SORCS2: variants seen among roughly 807,000 people sequenced by gnomAD.
The protein encoded by SORCS2 is sortilin related VPS10 domain containing receptor 2.
A neutral mutation model predicts 141.6 loss-of-function variants in SORCS2; 100 were observed. The observed-to-expected ratio is 0.71, with a 90% CI of 0.60 to 0.83. The LOEUF (loss-of-function observed/expected upper bound fraction) is 0.83, where lower values mean the gene tolerates loss of function less well. SORCS2 is among the 40% of genes least tolerant of loss of function. SORCS2 has a pLI of 0.00. For synonymous variants in SORCS2, 789 were observed against 676.9 expected (o/e 1.17, Z -2.57); for missense variants, 1,646 against 1,560.2 (o/e 1.05, Z -0.93).
intron 1 of SORCS2, among the ~76,000 whole-genome samples, chr4:7,268,586 C>G (rs1714903965): frequency 6.6e-6 from 1 of 152,200 alleles, no homozygotes; most frequent in Non-Finnish European, 1.5e-5. Flanking sequence ...GTGTGTCCTG[C>G]TGGGTATCAG....
rs189975691 is a variant in SORCS2, at chr4:7,740,413, A to C, written c.*149A>C. On this transcript the variant is annotated 3_prime_UTR_variant, in exon 27 of 27. Transcript: ENST00000507866. The stretch of plus-strand genomic sequence containing the variant: ...GCGACAGGCACCACCCCCTCTGATA[A>C]ATCCAAGCCCGCCCAGGCCCACGGG... 790 of 703,780 alleles carry C rather than the reference A, an allele frequency of 1.1e-3. 2 individuals carry two copies. The highest frequency in any genetic ancestry group is 1.6e-3 in the Non-Finnish European group (671 of 415,130). The allele number at this position is 703,780 out of a possible 1,614,324, so 43.6% of individuals were successfully genotyped here. A position where few individuals can be genotyped will look rare whatever the true frequency, so the allele number is the denominator to read the frequency against.
chr4:7,706,072 C>CTGGGCTCCGTCTGGGCAGGGATGAGGT (rs879671946), intron 14 of SORCS2, among the ~76,000 whole-genome samples: 6,177 of 133,884 alleles, frequency 0.046, 947 homozygotes, highest in East Asian at 0.22. Flanking sequence ...AGGGATGAGG[C>CTGGGCTCCGTCTGGGCAGGGATGAGGT]TGGGCTCTGC....
intron 4 of SORCS2, among the ~76,000 whole-genome samples, chr4:7,641,583 T>C (rs1175709954): frequency 1.3e-5 from 2 of 152,196 alleles, no homozygotes; most frequent in Non-Finnish European, 2.9e-5. Context: ...CTACACCCAA[T>C]ACATGCAATT....
intron 2 of SORCS2, among the ~76,000 whole-genome samples, chr4:7,510,518 T>C (rs1339255880): frequency 1.8e-5 from 2 of 110,082 alleles, no homozygotes; most frequent in East Asian, 6.5e-4. Flanking sequence ...CCATGGGCAG[T>C]GCAGCCAGGG....
chr4:7,464,112 T>C (rs1729471000), intron 2 of SORCS2, among the ~76,000 whole-genome samples: 1 of 152,194 alleles, frequency 6.6e-6, no homozygotes, highest in African/African-American at 2.4e-5. Flanking sequence ...CGCAGTGGAC[T>C]GAACACACCT....
At chr4:7,608,371 C>G (rs1718191746) in intron 3 of SORCS2, among the ~76,000 whole-genome samples, 1 of 152,240 alleles carries the variant, frequency 6.6e-6, no homozygotes, top group Admixed American at 6.5e-5. Context: ...CCACCTGAAG[C>G]TACCTTGCTC....
chr4:7,539,084 G>A (rs778525252), intron 3 of SORCS2, among the ~76,000 whole-genome samples: 2 of 152,130 alleles, frequency 1.3e-5, no homozygotes, highest in Non-Finnish European at 2.9e-5. Context: ...CCCCATAGCC[G>A]GTGGGCTGCT....
At chr4:7,318,656 A>G (rs780027136) in intron 1 of SORCS2, among the ~76,000 whole-genome samples, 2 of 152,196 alleles carry the variant, frequency 1.3e-5, no homozygotes, top group Non-Finnish European at 2.9e-5. Flanking sequence ...TACTGTCTCA[A>G]TCATCGCAGC....
intron 1 of SORCS2, among the ~76,000 whole-genome samples, chr4:7,288,006 G>A (rs1253713782): frequency 9.2e-5 from 14 of 152,334 alleles, no homozygotes; most frequent in Admixed American, 7.2e-4. Context: ...CGTTGCTGGC[G>A]TTGCTGTCCC....
At chr4:7,260,085 A>C (rs766314876) in intron 1 of SORCS2, among the ~76,000 whole-genome samples, 2 of 152,092 alleles carry the variant, frequency 1.3e-5, no homozygotes, top group Non-Finnish European at 2.9e-5. Context: ...AGAAAGGCAG[A>C]ATAGAGACAC....
chr4:7,269,662 G>A (rs563076153), intron 1 of SORCS2, among the ~76,000 whole-genome samples: 3 of 152,202 alleles, frequency 2.0e-5, no homozygotes, highest in Non-Finnish European at 4.4e-5. Flanking sequence ...GCTGGGAGCC[G>A]CCAGAAGCCA....
rs149983635 is a variant in SORCS2, at chr4:7,439,209, C to T, written c.548+42854C>T. Reference sequence around the variant, plus strand: ...GTATATATATATATACAAACACACACGTGTGTATATGTAACATATTCATCC... The same window carrying T: ...GTATATATATATATACAAACACACATGTGTGTATATGTAACATATTCATCC... On this transcript the variant is annotated intron_variant, in intron 2 of 26. Transcript: ENST00000507866. 8.0e-4 allele frequency among the ~76,000 whole-genome samples: 121 copies of T among 152,130 alleles called. 1 individual carries two copies. The highest frequency in any genetic ancestry group is 1.3e-3 in the Non-Finnish European group (89 of 67,998).
At chr4:7,393,759 G>A (rs1020157891) in intron 1 of SORCS2, among the ~76,000 whole-genome samples, 2 of 152,136 alleles carry the variant, frequency 1.3e-5, no homozygotes, top group African/African-American at 2.4e-5. Flanking sequence ...TCTGAATGAC[G>A]ACGGCTCCTA....
intron 1 of SORCS2, among the ~76,000 whole-genome samples, chr4:7,324,796 A>G (rs1317287521): frequency 1.3e-5 from 2 of 152,246 alleles, no homozygotes; most frequent in Non-Finnish European, 2.9e-5. Context: ...AAAAAGACAC[A>G]AAACCCATCA....
intron 2 of SORCS2, among the ~76,000 whole-genome samples, chr4:7,482,795 T>A (rs369018210): frequency 2.8e-5 from 4 of 142,122 alleles, no homozygotes; most frequent in Admixed American, 6.9e-5. Context: ...CCCTGGCTGC[T>A]GTTCAGACCT....
At chr4:7,280,028 C>T (rs1351223308) in intron 1 of SORCS2, among the ~76,000 whole-genome samples, 2 of 152,086 alleles carry the variant, frequency 1.3e-5, no homozygotes, top group Admixed American at 6.5e-5. Flanking sequence ...CAAATGGTGT[C>T]GGCTGCAGCT....
At chr4:7,426,060 G>A (rs1402056647) in intron 2 of SORCS2, among the ~76,000 whole-genome samples, 7 of 152,226 alleles carry the variant, frequency 4.6e-5, no homozygotes, top group Non-Finnish European at 8.8e-5. Context: ...GGCGTGGGCA[G>A]TGTTGTGGTT....
In SORCS2 at chr4:7,535,595, G is replaced by A. The variant is rs576601364; in HGVS notation, c.648+3966G>A. 3.3e-3 allele frequency among the ~76,000 whole-genome samples: 497 copies of A among 152,364 alleles called. 4 individuals are homozygous for A. Among genetic ancestry groups the A allele is most frequent in the Non-Finnish European group, 5.3e-3 (361 of 68,032 alleles). On this transcript the variant is annotated intron_variant, in intron 3 of 26. Coordinates refer to ENST00000507866, the MANE Select transcript of SORCS2 (RefSeq NM_020777.3). Reference sequence around the variant, plus strand: ...TGCTCCTTGTCAAGTGCTCAGATCCGGGCCTGGCCCGAGGGAAGACCCCAT... The same window carrying A: ...TGCTCCTTGTCAAGTGCTCAGATCCAGGCCTGGCCCGAGGGAAGACCCCAT...
intron 2 of SORCS2, among the ~76,000 whole-genome samples, chr4:7,397,651 C>CA (rs1284369441): frequency 6.6e-6 from 1 of 152,166 alleles, no homozygotes; most frequent in Admixed American, 6.5e-5. Context: ...CTGGGCTCAG[C>CA]AGTGTTCACT....
Sources: gnomAD v4.1 joint callset for allele counts (sites outside exome capture counted in the v4.1 genomes callset) on GRCh38, gnomAD v4.1.1 for gene constraint, MANE v1.5 for transcripts, NCBI Gene and HGNC (gene_info 2026-07-23, HGNC 2026-07-21) for gene names.